NDE1: variants seen among roughly 807,000 people sequenced by gnomAD.
NDE1 encodes the protein nudE neurodevelopment protein 1.
NDE1 carries 28 observed loss-of-function variants against 43.4 expected under a neutral mutation model. The observed-to-expected ratio is 0.65, with a 90% confidence interval of 0.48 to 0.89. NDE1 has a LOEUF of 0.89. NDE1 is among the 40% of genes least tolerant of loss of function. The pLI, the probability that NDE1 is intolerant of heterozygous loss-of-function variation, is 0.00. For missense variants in NDE1, 441 were observed against 434.1 expected (o/e 1.02, Z -0.14); for synonymous variants, 184 against 172.0 (o/e 1.07, Z -0.55).
chr16:15,695,426 T>C, intron 7 of NDE1: 4 of 903,558 alleles, frequency 4.4e-6, no homozygotes, highest in Non-Finnish European at 5.3e-6. Flanking sequence ...GAAAATTGTT[T>C]GAATCCGGGA....
In NDE1 at chr16:15,724,778, G is replaced by A. The variant is rs764978285; in HGVS notation, c.*527G>A. 9.3e-6 allele frequency: 15 copies of A among 1,613,898 alleles called. No individual in the cohort carries two copies. In the Admixed American group the frequency reaches 1.2e-4, roughly 13 times the overall value. ...TTCGTAGACACGTTGAGCTTCTGCC[G>A]GGTTTCTTCTTGAAGCAGCTCCTGC... is the stretch of plus-strand genomic sequence containing the variant. On this transcript the variant is annotated 3_prime_UTR_variant, in exon 9 of 9. Coordinates refer to ENST00000396354, the MANE Select transcript of NDE1 (RefSeq NM_017668.3).
chr16:15,652,795 C>G (rs985849200), intron 1 of NDE1, among the ~76,000 whole-genome samples: 1 of 152,046 alleles, frequency 6.6e-6, no homozygotes, highest in Non-Finnish European at 1.5e-5. Context: ...TCCCAAGTAG[C>G]TGGGACTAAA....
rs1340889427 is a variant in NDE1, at chr16:15,667,293, A to G, written c.91A>G (p.Asn31Asp). The change falls in exon 3 of 9, where the codon AAT (asparagine) becomes GAT (aspartate). Residue 31 changes from asparagine to aspartate, a missense_variant. By Grantham distance (23) the Asn-to-Asp change is conservative. Coordinates refer to ENST00000396354, the MANE Select transcript of NDE1 (RefSeq NM_017668.3). Reference sequence around the variant, plus strand: ...TTAACAATTTTGCTGTAGGGCAGAAAATACGCAAGAGGAACTCCGAGAATT... The same window carrying G: ...TTAACAATTTTGCTGTAGGGCAGAAGATACGCAAGAGGAACTCCGAGAATT... ...LAMTYKQRAE[N>D]TQEELREFQE... 1 of 1,614,166 alleles carries G rather than the reference A, an allele frequency of 6.2e-7. No individual in the cohort carries two copies.
At chr16:15,712,590 T>C (rs1443627207) in intron 8 of NDE1, among the ~76,000 whole-genome samples, 1 of 152,112 alleles carries the variant, frequency 6.6e-6, no homozygotes, top group East Asian at 1.9e-4. Context: ...AGCAAGACTC[T>C]GCCCAAAAGA....
intron 1 of NDE1, among the ~76,000 whole-genome samples, chr16:15,655,042 A>G (rs574628756): frequency 8.5e-5 from 13 of 152,112 alleles, no homozygotes; most frequent in Middle Eastern, 3.4e-3. Flanking sequence ...TTTTTGAGAC[A>G]GAGTCTTGCT....
intron 3 of NDE1, among the ~76,000 whole-genome samples, chr16:15,673,303 G>A (rs541852645): frequency 1.3e-5 from 2 of 152,006 alleles, no homozygotes; most frequent in South Asian, 2.1e-4. Flanking sequence ...TCCGCCTCCC[G>A]GGCTCAAGCG....
At position 15,721,082 on chromosome 16, in the gene NDE1, G is replaced by A. The variant is rs1596719617; in HGVS notation, c.948-3109G>A. ...GGCAGAGCGGGCAGCCCCATTCTAT[G>A]AGGCTCAACTTCATGAAGACGATTG... On this transcript the variant is annotated intron_variant, in intron 8 of 8. Coordinates refer to ENST00000396354, the MANE Select transcript of NDE1 (RefSeq NM_017668.3). 10 of 1,610,000 alleles carry A rather than the reference G, an allele frequency of 6.2e-6. No individual in the cohort carries two copies. The South Asian group carries it at 8.8e-5, about 14-fold the overall frequency.
intron 1 of NDE1, among the ~76,000 whole-genome samples, chr16:15,658,869 C>G (rs1261359592): frequency 6.6e-6 from 1 of 152,116 alleles, no homozygotes; most frequent in Non-Finnish European, 1.5e-5. Flanking sequence ...GTTGGCCAAG[C>G]TTGTCTTGAA....
At chr16:15,648,756 C>T (rs147145453), upstream of NDE1, among the ~76,000 whole-genome samples, 137 of 151,748 alleles carry the variant, frequency 9.0e-4, no homozygotes, top group Admixed American at 7.7e-3. Context: ...TGCAGTGAGC[C>T]GAGATCGCAC....
intron 3 of NDE1, among the ~76,000 whole-genome samples, chr16:15,671,382 C>T (rs1167527588): frequency 1.3e-5 from 2 of 152,042 alleles, no homozygotes; most frequent in African/African-American, 4.8e-5. Flanking sequence ...TGGTAGTGCA[C>T]ACCTGTAGTC....
intron 5 of NDE1, among the ~76,000 whole-genome samples, chr16:15,688,763 A>G (rs1160569329): frequency 8.8e-6 from 1 of 113,918 alleles, no homozygotes; most frequent in African/African-American, 3.4e-5. Flanking sequence ...CAGTGGTGCT[A>G]TCTCTGCTCA....
chr16:15,703,103 T>C (rs145051476), intron 8 of NDE1: 2,639 of 179,382 alleles, frequency 0.015, 26 homozygotes, highest in East Asian at 0.038. Context: ...TTTTCCTCTA[T>C]AGAAAACAGC....
intron 1 of NDE1, among the ~76,000 whole-genome samples, chr16:15,661,359 A>G (rs2037036649): frequency 6.6e-6 from 1 of 152,090 alleles, no homozygotes; most frequent in Admixed American, 6.6e-5. Flanking sequence ...CATGTTAGCC[A>G]GAATGGTCTT....
At chr16:15,712,057 G>A (rs940370078) in intron 8 of NDE1, among the ~76,000 whole-genome samples, 1 of 152,150 alleles carries the variant, frequency 6.6e-6, no homozygotes, top group Non-Finnish European at 1.5e-5. Flanking sequence ...GTATAAAGGA[G>A]ACCAAAACGT....
intron 8 of NDE1, among the ~76,000 whole-genome samples, chr16:15,716,124 T>G (rs59728604): frequency 0.038 from 5,796 of 152,012 alleles, 376 homozygotes; most frequent in African/African-American, 0.13. Context: ...TAAAAAAGTC[T>G]TGCTATGCTG....
chr16:15,705,059 A>G (rs2039375150), intron 8 of NDE1, among the ~76,000 whole-genome samples: 1 of 152,184 alleles, frequency 6.6e-6, no homozygotes, highest in Non-Finnish European at 1.5e-5. Context: ...GGCTCACTGC[A>G]ACCTCTGCCT....
At chr16:15,643,823 C>CT (rs1257199867) in exon 1 of NDE1, 3 of 156,140 alleles carry the variant, frequency 1.9e-5, no homozygotes, top group African/African-American at 7.3e-5. Flanking sequence ...TTTTTGGGGA[C>CT]TTTAGCAAGA....
At chr16:15,672,386 T>G (rs1473576438) in intron 3 of NDE1, among the ~76,000 whole-genome samples, 4 of 152,006 alleles carry the variant, frequency 2.6e-5, no homozygotes, top group African/African-American at 9.7e-5. Context: ...GAGCTGAGAT[T>G]GCGCCACTGT....
At chr16:15,687,662 T>C (rs2038509361) in intron 5 of NDE1, 151 bp downstream of exon 5, 1 of 787,856 alleles carries the variant, frequency 1.3e-6, no homozygotes, top group East Asian at 2.6e-5. Flanking sequence ...CGGACTGCAC[T>C]GGGCAGACTC....
Sources: gnomAD v4.1 joint callset for allele counts (sites outside exome capture counted in the v4.1 genomes callset) on GRCh38, gnomAD v4.1.1 for gene constraint, MANE v1.5 for transcripts, NCBI Gene and HGNC (gene_info 2026-07-23, HGNC 2026-07-21) for gene names.